The following CLSPN variants were observed in gnomAD, a reference collection of about 807,000 sequenced individuals.
The protein encoded by CLSPN is claspin homolog.
CLSPN carries 85 observed loss-of-function variants against 156.3 expected under a neutral mutation model. That is an observed-to-expected ratio of 0.54 (90% CI 0.46 to 0.65). The LOEUF (loss-of-function observed/expected upper bound fraction) is 0.65, where lower values mean the gene tolerates loss of function less well. Ranked by LOEUF, CLSPN falls within the 30% of genes least tolerant of loss-of-function variation. CLSPN has a pLI of 0.00. For synonymous variants in CLSPN, 534 were observed against 542.4 expected, an observed-to-expected ratio of 0.98 and a Z score of 0.22; for missense variants, 1,407 against 1,554.9, an observed-to-expected ratio of 0.90 and a Z score of 1.60.
Position 35,748,012 on chromosome 1 carries a change from T to C in CLSPN, c.2522A>G (p.Asp841Gly). 6.2e-7 allele frequency: 1 copy of C among 1,614,172 alleles called. No individual in the cohort carries two copies. The change falls in exon 14 of 25, where the codon GAT becomes GGT. Residue 841 changes from aspartate to glycine, a missense_variant. Asp to Gly is a moderately conservative substitution (Grantham distance 94). Around this residue, in one of 3 missense-constraint regions of CLSPN, gnomAD observed 1,096 missense variants for 1,193.0 expected, o/e 0.92. Coordinates refer to ENST00000318121, the MANE Select transcript of CLSPN (RefSeq NM_022111.4). ...EPSLPIEDSQ[D>G]LYNASPEPKT... ...AGGCTCTGGGGAGGCGTTATACAGA[T>C]CCTGGGAATCCTCTATGGGAAGTGA...
intron 10 of CLSPN, among the ~76,000 whole-genome samples, chr1:35,750,119 C>T (rs1642032787): frequency 6.6e-6 from 1 of 152,204 alleles, no homozygotes; most frequent in East Asian, 1.9e-4. Context: ...AGGCTGACTA[C>T]TGATCTCAAA....
At chr1:35,757,754 C>CT (rs1642323896) in intron 8 of CLSPN, among the ~76,000 whole-genome samples, 1 of 152,212 alleles carries the variant, frequency 6.6e-6, no homozygotes, top group African/African-American at 2.4e-5. Flanking sequence ...TGCTTCTTTG[C>CT]TAATGGAGCT....
At chr1:35,739,749 C>T (rs947079297) in intron 18 of CLSPN, among the ~76,000 whole-genome samples, 1 of 152,152 alleles carries the variant, frequency 6.6e-6, no homozygotes, top group African/African-American at 2.4e-5. Context: ...GTATGCTTCT[C>T]GATTTACGAT....
rs765052615 is a variant in CLSPN at position 35,760,638 on chromosome 1, A to C, written c.1283T>G (p.Leu428Trp). The change falls in exon 8 of 25, where the codon TTG becomes TGG. Residue 428 changes from leucine to tryptophan, a missense_variant. Transcript: ENST00000318121. Reference protein sequence around the residue: ...IRPSPGDSSVLQQESNFLGNN... With the variant: ...IRPSPGDSSVWQQESNFLGNN... The stretch of plus-strand genomic sequence containing the variant: ...CCCGAGGAAGTTGGATTCCTGTTGC[A>C]ACACTGAGCTGTCCCCAGGTGAAGG... 2 of 1,614,196 alleles carry C rather than the reference A, an allele frequency of 1.2e-6. No individual in the cohort carries two copies. Among genetic ancestry groups the C allele is most frequent in the South Asian group, 2.2e-5 (2 of 91,074 alleles).
At chr1:35,758,835 C>T (rs1166951287) in intron 8 of CLSPN, among the ~76,000 whole-genome samples, 1 of 138,436 alleles carries the variant, frequency 7.2e-6, no homozygotes, top group African/African-American at 2.6e-5. Context: ...ATTTCATATG[C>T]TGCCCAGGAT....
chr1:35,743,182 T>A lies in CLSPN; in HGVS notation c.3102A>T (p.Glu1034Asp). 3 of 1,614,154 alleles carry A rather than the reference T, an allele frequency of 1.9e-6. No individual in the cohort carries two copies. Among genetic ancestry groups the A allele is most frequent in the Non-Finnish European group, 2.5e-6 (3 of 1,179,990 alleles). Residue 1034 changes from glutamate (E) to aspartate (D), a missense_variant, in exon 18 of 25, where the codon GAA becomes GAT. Transcript: ENST00000318121. ...TCTCAGATCGCTTCAGGAGTTCTTC[T>A]TCATCATCATCTTCATGGTCTTCCA... ...LALEDHEDDD[E>D]EELLKRSEKL...
At chr1:35,739,772 G>A (rs891324192) in intron 18 of CLSPN, among the ~76,000 whole-genome samples, 16 of 152,136 alleles carry the variant, frequency 1.1e-4, no homozygotes, top group African/African-American at 3.4e-4. Context: ...AGTTATATCT[G>A]GATAATATGA....
rs1194285406 is a variant in CLSPN, at chr1:35,733,952, C to T, written c.*2544G>A. 5.2e-6 allele frequency: 5 copies of T among 962,012 alleles called. No individual in the cohort carries two copies. Among genetic ancestry groups the T allele is most frequent in the Non-Finnish European group, 6.2e-6 (5 of 808,776 alleles). The allele number at this position is 962,012 out of a possible 1,614,324, so 59.6% of individuals were successfully genotyped here. ...CTATGATTGTGCCACTGCACTCTAA[C>T]CTGGGCAACAGAATGAGACTGTCTC... On this transcript the variant is annotated 3_prime_UTR_variant, in exon 25 of 25. Transcript: ENST00000318121.
At chr1:35,728,297 G>T (rs1293247832), downstream of CLSPN, among the ~76,000 whole-genome samples, 1 of 151,784 alleles carries the variant, frequency 6.6e-6, no homozygotes, top group Non-Finnish European at 1.5e-5. Flanking sequence ...GCCCAGGCTG[G>T]TCTCAAACCC....
intron 9 of CLSPN, among the ~76,000 whole-genome samples, chr1:35,752,504 G>C (rs182523073): frequency 1.4e-5 from 2 of 147,504 alleles, no homozygotes; most frequent in Non-Finnish European, 3.0e-5. Flanking sequence ...CTTGAACCCA[G>C]GAGGTAGAGG....
rs868115259 is a variant in CLSPN, at chr1:35,753,995, G to C, written c.1580-59C>G. The stretch of plus-strand genomic sequence containing the variant: ...CCATGCTCAAAACTCTTTCCTTTAA[G>C]ACTTATAAGCTAAGTTTTTTTTAGC... On this transcript the variant is annotated intron_variant, in intron 8 of 24. Transcript: ENST00000318121. 4 of 1,521,798 alleles carry C rather than the reference G, an allele frequency of 2.6e-6. No homozygotes were observed. In the Middle Eastern group the frequency reaches 8.0e-4, roughly 304 times the overall value. The allele number at this position is 1,521,798 out of a possible 1,614,324, so 94.3% of individuals were successfully genotyped here. A position where few individuals can be genotyped will look rare whatever the true frequency, so the allele number is the denominator to read the frequency against.
intron 24 of CLSPN, among the ~76,000 whole-genome samples, chr1:35,721,551 C>T (rs1343835201): frequency 6.6e-6 from 1 of 152,036 alleles, no homozygotes; most frequent in Non-Finnish European, 1.5e-5. Context: ...CCACACCCGG[C>T]TAATTTTTGT....
At chr1:35,731,340 G>A (rs139378993), downstream of CLSPN, among the ~76,000 whole-genome samples, 75 of 152,194 alleles carry the variant, frequency 4.9e-4, no homozygotes, top group South Asian at 2.1e-3. Flanking sequence ...GTAGGGGAGG[G>A]CATTCCAGGG....
rs1329725122 is a variant in CLSPN at position 35,738,031 on chromosome 1, G to A, written c.3625C>T (p.Leu1209=). 8.2e-6 allele frequency: 12 copies of A among 1,471,646 alleles called. No homozygotes were observed. The highest frequency in any genetic ancestry group is 1.1e-5 in the Non-Finnish European group (12 of 1,099,926). 91.2% of individuals were successfully genotyped at this position (1,471,646 alleles called of 1,614,324 possible). A position where few individuals can be genotyped will look rare whatever the true frequency, so the allele number is the denominator to read the frequency against. ...EIGEDSQFMI[L]AKKVTAKALQ... is the part of the protein sequence containing the mutation. Reference sequence around the variant, plus strand: ...GCTTTGGCTGTAACTTTCTTGGCCAGTATCATAAACTGACTGTCCTCCCCA... The same window carrying A: ...GCTTTGGCTGTAACTTTCTTGGCCAATATCATAAACTGACTGTCCTCCCCA... Residue 1209 remains leucine, a synonymous_variant, in exon 22 of 25, where the codon CTG becomes TTG. Transcript: ENST00000318121.
intron 18 of CLSPN, among the ~76,000 whole-genome samples, chr1:35,740,101 A>C (rs2148614182): frequency 6.6e-6 from 1 of 152,340 alleles, no homozygotes; most frequent in East Asian, 1.9e-4. Context: ...ACCTGCTGGA[A>C]GGTTCAAACT....
Position 35,743,301 on chromosome 1 carries a change from G to C in CLSPN, c.3043-60C>G. The C allele has an allele frequency of 2.8e-6, 4 of 1,450,212 alleles. No individual in the cohort carries two copies. In the East Asian group the frequency reaches 9.1e-5, roughly 33 times the overall value. 89.8% of individuals were successfully genotyped at this position (1,450,212 alleles called of 1,614,324 possible). On this transcript the variant is annotated intron_variant, in intron 17 of 24. Coordinates refer to ENST00000318121, the MANE Select transcript of CLSPN (RefSeq NM_022111.4). Reference sequence around the variant, plus strand: ...ATAAAATGCGTCCTCAATGAAAAAAGGATTTATAAACATCTGCCCAAATAC... The same window carrying C: ...ATAAAATGCGTCCTCAATGAAAAAACGATTTATAAACATCTGCCCAAATAC...
In CLSPN at chr1:35,751,520, T is replaced by C. The variant is rs369039680; in HGVS notation, c.1772-14A>G. The C allele has an allele frequency of 5.0e-6, 8 of 1,608,552 alleles. No individual in the cohort carries two copies. The highest frequency in any genetic ancestry group is 5.1e-6 in the Non-Finnish European group (6 of 1,178,320). On this transcript the variant is annotated splice_polypyrimidine_tract_variant and intron_variant, in intron 9 of 24. Transcript: ENST00000318121. ...GAAGCTTTTCACCTGAACAGAAATA[T>C]GTAGAAATGCTTTAGACATAATACA...
chr1:35,766,456 T>C (rs1642678713), intron 1 of CLSPN, among the ~76,000 whole-genome samples: 1 of 152,162 alleles, frequency 6.6e-6, no homozygotes, highest in Non-Finnish European at 1.5e-5. Context: ...ATATTTCTTT[T>C]TTTTTGAGAT....
chr1:35,761,045 C>G, intron 7 of CLSPN, 51 bp downstream of exon 7: 1 of 1,467,990 alleles, frequency 6.8e-7, no homozygotes, highest in Non-Finnish European at 9.5e-7. Flanking sequence ...CAGATGTTTG[C>G]TACAAAACTA....
Sources: allele counts gnomAD v4.1 joint callset (sites outside exome capture counted in the v4.1 genomes callset), GRCh38; gene constraint gnomAD v4.1.1; regional missense constraint gnomAD v4.1.1; transcripts MANE v1.5; gene names NCBI Gene and HGNC (gene_info 2026-07-23, HGNC 2026-07-21).